DST: variants seen among roughly 807,000 people sequenced by gnomAD.
The protein encoded by DST is bullous pemphigoid antigen.
DST carries 253 observed loss-of-function variants against 875.2 expected under a neutral mutation model. That is an observed-to-expected ratio of 0.29 (90% CI 0.26 to 0.32). The LOEUF (loss-of-function observed/expected upper bound fraction) is 0.32, where lower values mean the gene tolerates loss of function less well. Among genes scored for constraint, DST ranks in the 10% least tolerant of loss-of-function variants. The probability of loss-of-function intolerance (pLI) is 1.00; values close to 1 mark genes in which losing one functional copy is unlikely to be tolerated. For synonymous variants in DST, 3,124 were observed against 3,197.1 expected, an observed-to-expected ratio of 0.98 and a Z score of 0.77; for missense variants, 8,287 against 9,111.6, an observed-to-expected ratio of 0.91 and a Z score of 3.68.
intron 77 of DST, among the ~76,000 whole-genome samples, chr6:56,505,534 A>C (rs2096281857): frequency 6.6e-6 from 1 of 152,072 alleles, no homozygotes; most frequent in African/African-American, 2.4e-5. Context: ...TATTTGTAGT[A>C]AAATCTTTCA....
At chr6:56,873,507 T>C (rs1243796401) in intron 3 of DST, among the ~76,000 whole-genome samples, 3 of 152,156 alleles carry the variant, frequency 2.0e-5, no homozygotes, top group Non-Finnish European at 2.9e-5. Context: ...GATATATATA[T>C]ATACACAAAG....
At position 56,615,924 on chromosome 6, in the gene DST, G is replaced by A. The variant is rs1057524203; in HGVS notation, c.4930-1440C>T. 6.2e-7 allele frequency: 1 copy of A among 1,614,182 alleles called. No individual in the cohort carries two copies. The highest frequency in any genetic ancestry group is 2.2e-5 in the East Asian group (1 of 44,882). On this transcript the variant is annotated intron_variant, in intron 36 of 103. Transcript: ENST00000680361. ...ACTAATTCACACTGTCGCAGCTGCTGGGCAAACCCCTCATCAACCAGGCCT... is the reference window on the plus strand; with the variant it reads ...ACTAATTCACACTGTCGCAGCTGCTAGGCAAACCCCTCATCAACCAGGCCT...
intron 51 of DST, 72 bp from the exon 52 acceptor site, chr6:56,573,136 G>A (rs2097801715): frequency 7.8e-7 from 1 of 1,282,834 alleles, no homozygotes; most frequent in Non-Finnish European, 1.1e-6. Context: ...TTTTTTAAAT[G>A]ACTATTCCTA....
chr6:56,606,776 A>G lies in DST; in HGVS notation c.7852T>C (p.Phe2618Leu). The change falls in exon 40 of 104, where the codon TTT becomes CTT. Residue 2618 changes from phenylalanine to leucine, a missense_variant. Around this residue, in one of 10 missense-constraint regions of DST, gnomAD observed 3,138 missense variants for 3,116.6 expected, o/e 1.01. Transcript: ENST00000680361. ...SDDDFYDTPL[F>L]EDDDHDSLLL... ...AAAGAATCATGGTCATCATCTTCAA[A>G]CAAGGGAGTATCATAAAAATCATCA... The G allele has an allele frequency of 1.2e-6, 2 of 1,613,294 alleles. No homozygotes were observed. Among genetic ancestry groups the G allele is most frequent in the Non-Finnish European group, 1.7e-6 (2 of 1,179,572 alleles).
At chr6:56,562,962 C>A (rs2097565088) in intron 55 of DST, among the ~76,000 whole-genome samples, 2 of 152,082 alleles carry the variant, frequency 1.3e-5, no homozygotes, top group African/African-American at 4.8e-5. Flanking sequence ...TATATATGTA[C>A]CACATTTTCT....
Position 56,573,884 on chromosome 6 carries a change from T to C in DST, c.13031A>G (p.Asp4344Gly), listed in dbSNP as rs774089161. ...AKNDIQKTLD[D>G]IVGRYEDLSK... is the part of the protein sequence containing the mutation. ...CAGATCCTCATATCTCCCAACAATG[T>C]CATCTACTCCAAACAGATCAGGAAT... The change falls in exon 51 of 104, where the codon GAC (aspartate) becomes GGC (glycine). Residue 4344 changes from aspartate (D) to glycine (G), a missense_variant. Coordinates refer to ENST00000680361, the MANE Select transcript of DST (RefSeq NM_001374736.1). The C allele has an allele frequency of 5.6e-6, 9 of 1,610,836 alleles. No individual in the cohort carries two copies. In the African/African-American group the frequency reaches 1.2e-4, roughly 22 times the overall value.
intron 3 of DST, among the ~76,000 whole-genome samples, chr6:56,872,316 TATG>T (rs1390508602): frequency 1.3e-5 from 2 of 152,174 alleles, no homozygotes; most frequent in Non-Finnish European, 2.9e-5. Context: ...TTACATAAAG[TATG>T]ATAACATTTT....
chr6:56,729,567 A>G (rs1589293427), intron 5 of DST, among the ~76,000 whole-genome samples: 1 of 150,134 alleles, frequency 6.7e-6, no homozygotes, highest in East Asian at 2.0e-4. Context: ...AGATCGCACC[A>G]TTGCACTCCA....
chr6:56,675,722 C>T (rs899601269), intron 9 of DST, among the ~76,000 whole-genome samples: 3 of 151,912 alleles, frequency 2.0e-5, no homozygotes, highest in Non-Finnish European at 4.4e-5. Flanking sequence ...CATGGTGGCA[C>T]GTGCCTGTAA....
rs147785667 is a variant in DST, at chr6:56,927,917, T to A, written c.216+25868A>T. On this transcript the variant is annotated intron_variant, in intron 2 of 103. Coordinates refer to ENST00000680361, the MANE Select transcript of DST (RefSeq NM_001374736.1). Reference sequence around the variant, plus strand: ...AAGGAAGCAGCTACCACCTCCAGTTTGAGGGGTTCCAAAGGATGAGATTAA... The same window carrying A: ...AAGGAAGCAGCTACCACCTCCAGTTAGAGGGGTTCCAAAGGATGAGATTAA... 2.3e-3 allele frequency among the ~76,000 whole-genome samples: 348 copies of A among 152,174 alleles called. 3 individuals are homozygous for A. The highest frequency in any genetic ancestry group is 0.014 in the Middle Eastern group (4 of 294).
intron 67 of DST, 22 bp downstream of exon 67, chr6:56,528,819 T>C: frequency 7.0e-7 from 1 of 1,435,102 alleles, no homozygotes; most frequent in Non-Finnish European, 9.6e-7. Flanking sequence ...CACATGATGA[T>C]TTGATTTGAA....
chr6:56,656,524 A>G (rs80067236), intron 10 of DST, among the ~76,000 whole-genome samples: 11,820 of 152,212 alleles, frequency 0.078, 1,460 homozygotes, highest in African/African-American at 0.26. Flanking sequence ...ATCTCACTTA[A>G]TCATCTCAAT....
At chr6:56,672,185 G>A (rs1302769662) in intron 9 of DST, among the ~76,000 whole-genome samples, 4 of 152,170 alleles carry the variant, frequency 2.6e-5, no homozygotes, top group East Asian at 1.9e-4. Context: ...CCAGGGACCC[G>A]GGGCAGGAAG....
chr6:56,636,525 C>T, intron 23 of DST, 32 bp downstream of exon 23: 1 of 1,560,528 alleles, frequency 6.4e-7, no homozygotes, highest in Non-Finnish European at 8.8e-7. Context: ...ATCACAATAC[C>T]ATCTATTGAA....
At chr6:56,867,770 A>T (rs140233619) in intron 3 of DST, among the ~76,000 whole-genome samples, 12,626 of 151,994 alleles carry the variant, frequency 0.083, 1,081 homozygotes, top group East Asian at 0.21. Context: ...GTGGCAGAGG[A>T]TGCAGTGAGC....
intron 50 of DST, among the ~76,000 whole-genome samples, chr6:56,574,262 T>C (rs889009653): frequency 1.3e-5 from 2 of 152,162 alleles, no homozygotes; most frequent in Non-Finnish European, 2.9e-5. Flanking sequence ...GCCATACTTA[T>C]TGAAAATTAC....
At chr6:56,946,117 T>C (rs73463757) in intron 2 of DST, among the ~76,000 whole-genome samples, 194 of 152,160 alleles carry the variant, frequency 1.3e-3, no homozygotes, top group African/African-American at 4.6e-3. Flanking sequence ...TATCAAGTTA[T>C]AAGTAGGAAG....
At position 56,656,943 on chromosome 6, in the gene DST, C is replaced by T. The variant is rs542254723; in HGVS notation, c.1215-5699G>A. Among the ~76,000 whole-genome samples, 20 of 152,096 alleles carry T rather than the reference C, an allele frequency of 1.3e-4. No homozygotes were observed. In the South Asian group the frequency reaches 3.9e-3, roughly 30 times the overall value. ...GTTCCAGATTATTACCAAAACAGAA[C>T]TCATCAATGTGTCCTATACCAATGT... On this transcript the variant is annotated intron_variant, in intron 10 of 103. Transcript: ENST00000680361.
chr6:56,784,919 T>G (rs1162596181), intron 4 of DST, among the ~76,000 whole-genome samples: 1 of 152,222 alleles, frequency 6.6e-6, no homozygotes, highest in Non-Finnish European at 1.5e-5. Context: ...GGATGTCCTT[T>G]CTGTTTGTTA....
Sources: gnomAD v4.1 joint callset for allele counts (sites outside exome capture counted in the v4.1 genomes callset) on GRCh38, gnomAD v4.1.1 for gene constraint, gnomAD v4.1.1 regional missense constraint, MANE v1.5 for transcripts, NCBI Gene and HGNC (gene_info 2026-07-23, HGNC 2026-07-21) for gene names.